Variants in WDR1 observed in about 807,000 individuals in gnomAD.
WDR1 encodes the protein WD repeat domain 1.
Under a neutral mutation model 71.9 loss-of-function variants are expected in WDR1, and 21 were observed. The observed-to-expected ratio is 0.29, with a 90% CI of 0.21 to 0.42. WDR1 has a LOEUF of 0.42. Ranked by LOEUF, WDR1 falls within the 10% of genes least tolerant of loss-of-function variation. WDR1 has a pLI of 1.00. For synonymous variants in WDR1, 424 were observed against 347.4 expected (o/e 1.22, Z -2.45); for missense variants, 696 against 824.5 (o/e 0.84, Z 1.91).
chr4:10,076,860 G>C (rs770439931), intron 14 of WDR1: 1 of 167,706 alleles, frequency 6.0e-6, no homozygotes, highest in Non-Finnish European at 1.3e-5. Flanking sequence ...CCCCCTCAGG[G>C]AGAAATGATG....
intron 11 of WDR1, among the ~76,000 whole-genome samples, chr4:10,079,890 G>C (rs777584937): frequency 5.3e-5 from 8 of 152,192 alleles, no homozygotes; most frequent in Non-Finnish European, 1.2e-4. Context: ...GAGGGCCTAA[G>C]CATTTGCCTG....
intron 3 of WDR1, 28 bp from the exon 4 acceptor site, chr4:10,099,167 GGGGAGGCGGTGGTGGGGTAAA>G: frequency 7.5e-7 from 1 of 1,328,686 alleles, no homozygotes; most frequent in Non-Finnish European, 1.1e-6. Context: ...CGGGGGAGGG[GGGGAGGCGGTGGTGGGGTAAA>G]GGGCAGGGGG....
At chr4:10,099,180 T>TG in intron 3 of WDR1, 41 bp from the exon 4 acceptor site, 2 of 173,730 alleles carry the variant, frequency 1.2e-5, no homozygotes, top group South Asian at 3.9e-5. Flanking sequence ...GAGGCGGTGG[T>TG]GGGGTAAAGG....
chr4:10,084,760 T>C (rs1765146727), intron 8 of WDR1, among the ~76,000 whole-genome samples: 1 of 152,142 alleles, frequency 6.6e-6, no homozygotes, highest in African/African-American at 2.4e-5. Context: ...CTGCCCTTCA[T>C]TCCCCTCCCT....
At chr4:10,102,373 GCAT>G (rs1273839927) in intron 3 of WDR1, among the ~76,000 whole-genome samples, 1 of 152,230 alleles carries the variant, frequency 6.6e-6, no homozygotes, top group African/African-American at 2.4e-5. Context: ...AATCCCCAAT[GCAT>G]CAGAGGCGGC....
rs193181964 is a variant in WDR1, at chr4:10,113,238, G to A, written c.138+2875C>T. 2.0e-5 allele frequency among the ~76,000 whole-genome samples: 3 copies of A among 152,266 alleles called. No individual in the cohort carries two copies. The East Asian group carries it at 5.8e-4, about 29-fold the overall frequency. On this transcript the variant is annotated intron_variant, in intron 2 of 14. Transcript: ENST00000499869. Reference sequence around the variant, plus strand: ...TAGCCAGGTGAATTGGCACGTACCTGTAGTCCCCACTACTCGGGAGGCTGA... The same window carrying A: ...TAGCCAGGTGAATTGGCACGTACCTATAGTCCCCACTACTCGGGAGGCTGA...
chr4:10,077,974 C>T (rs1324403261), intron 12 of WDR1, 48 bp from the exon 13 acceptor site: 4 of 1,519,474 alleles, frequency 2.6e-6, no homozygotes, highest in Admixed American at 2.2e-5. Context: ...ACACACACAC[C>T]ACACCCATCC....
In WDR1 at chr4:10,083,145, G is replaced by C. The variant is rs764967558; in HGVS notation, c.1073C>G (p.Ser358Cys). 1.9e-6 allele frequency: 3 copies of C among 1,613,922 alleles called. No homozygotes were observed. Among genetic ancestry groups the C allele is most frequent in the Non-Finnish European group, 2.5e-6 (3 of 1,179,860 alleles). Residue 358 changes from serine to cysteine, a missense_variant, in exon 10 of 15, where the codon TCC (serine) becomes TGC (cysteine). By Grantham distance (112) the Ser-to-Cys change is moderately radical (BLOSUM62 -1). Coordinates refer to ENST00000499869, the MANE Select transcript of WDR1 (RefSeq NM_017491.5). Reference protein sequence around the residue: ...YWDSETGENDSFAGKGHTNQV... With the variant: ...YWDSETGENDCFAGKGHTNQV... ...GTTCGTGTGGCCTTTCCCAGCGAAG[G>C]AGTCGTTCTCCCCCGTCTCTGAATC...
At chr4:10,112,835 C>T (rs577760534) in intron 2 of WDR1, among the ~76,000 whole-genome samples, 6 of 152,194 alleles carry the variant, frequency 3.9e-5, no homozygotes, top group Non-Finnish European at 7.3e-5. Context: ...CTCTCTTAGG[C>T]GAGGACACGG....
intron 2 of WDR1, 139 bp from the exon 3 acceptor site, chr4:10,104,125 A>G (rs1712880247): frequency 8.3e-6 from 7 of 848,178 alleles, no homozygotes; most frequent in South Asian, 7.5e-5. Flanking sequence ...CCGCAGAAGC[A>G]TACCACTTGC....
At chr4:10,090,134 T>C (rs1242718823) in intron 5 of WDR1, among the ~76,000 whole-genome samples, 1 of 152,216 alleles carries the variant, frequency 6.6e-6, no homozygotes, top group Admixed American at 6.5e-5. Context: ...AGTGCGTCCC[T>C]GCCCACACCT....
At chr4:10,082,095 T>C (rs889266685) in intron 10 of WDR1, among the ~76,000 whole-genome samples, 2 of 152,106 alleles carry the variant, frequency 1.3e-5, no homozygotes, top group African/African-American at 4.8e-5. Flanking sequence ...TTATGGGACG[T>C]GTTAAGAGTG....
At chr4:10,089,343 A>G (rs1340735430) in intron 5 of WDR1, among the ~76,000 whole-genome samples, 1 of 152,122 alleles carries the variant, frequency 6.6e-6, no homozygotes, top group African/African-American at 2.4e-5. Context: ...TCCTGACCTC[A>G]TGTTTCCCCG....
chr4:10,101,502 A>G (rs915358713), intron 3 of WDR1, among the ~76,000 whole-genome samples: 30 of 152,254 alleles, frequency 2.0e-4, no homozygotes, highest in Non-Finnish European at 3.1e-4. Flanking sequence ...ATGTATTAGA[A>G]ACATAAAATA....
rs941479993 is a variant in WDR1 at position 10,116,765 on chromosome 4, C to T, written c.-99G>A. ...CCGAGGCCGAGCCCGGGGACTGGAG[C>T]CGGAAGGCGGCACCGGGCGTGCCGG... On this transcript the variant is annotated 5_prime_UTR_variant, in exon 1 of 15. Coordinates refer to ENST00000499869, the MANE Select transcript of WDR1 (RefSeq NM_017491.5). 2 of 1,230,282 alleles carry T rather than the reference C, an allele frequency of 1.6e-6. No homozygotes were observed. The highest frequency in any genetic ancestry group is 2.0e-6 in the Non-Finnish European group (2 of 980,018). The allele number at this position is 1,230,282 out of a possible 1,614,324, so 76.2% of individuals were successfully genotyped here.
chr4:10,101,594 G>C (rs560525081), intron 3 of WDR1, among the ~76,000 whole-genome samples: 20 of 152,368 alleles, frequency 1.3e-4, no homozygotes, highest in African/African-American at 4.8e-4. Context: ...ACTTTTCAGG[G>C]AGGACAGCGT....
intron 8 of WDR1, among the ~76,000 whole-genome samples, chr4:10,085,843 G>A (rs1055762487): frequency 6.6e-6 from 1 of 152,226 alleles, no homozygotes; most frequent in Non-Finnish European, 1.5e-5. Context: ...CCGAACATCA[G>A]CATCTGCGTG....
intron 5 of WDR1, among the ~76,000 whole-genome samples, chr4:10,095,148 C>T (rs2278123): frequency 6.6e-6 from 1 of 152,044 alleles, no homozygotes. Context: ...TCTCAGGAGG[C>T]GAGGGGCGGC....
chr4:10,110,965 G>A (rs1047111596), intron 2 of WDR1, among the ~76,000 whole-genome samples: 1 of 152,338 alleles, frequency 6.6e-6, no homozygotes, highest in African/African-American at 2.4e-5. Context: ...GGTATGGCTT[G>A]CCAAGACAGG....
Sources: allele counts gnomAD v4.1 joint callset (sites outside exome capture counted in the v4.1 genomes callset), GRCh38; gene constraint gnomAD v4.1.1; transcripts MANE v1.5; gene names NCBI Gene and HGNC (gene_info 2026-07-23, HGNC 2026-07-21).